Variants in MYO6 observed in about 807,000 individuals in gnomAD.
MYO6 encodes the protein unconventional myosin-VI.
MYO6 carries 74 observed loss-of-function variants against 178.7 expected under a neutral mutation model. That is an observed-to-expected ratio of 0.41 (90% CI 0.34 to 0.50). MYO6 has a LOEUF of 0.50. Ranked by LOEUF, MYO6 falls within the 20% of genes least tolerant of loss-of-function variation. The pLI, the probability that MYO6 is intolerant of heterozygous loss-of-function variation, is 0.09. For missense variants in MYO6, 1,330 were observed against 1,547.4 expected (o/e 0.86, Z 2.36); for synonymous variants, 477 against 504.6 (o/e 0.95, Z 0.73).
At chr6:75,786,800 T>C (rs776035604) in intron 1 of MYO6, among the ~76,000 whole-genome samples, 1 of 152,204 alleles carries the variant, frequency 6.6e-6, no homozygotes, top group Non-Finnish European at 1.5e-5. Flanking sequence ...TCTGAACTTT[T>C]TGACTGTAAG....
intron 1 of MYO6, among the ~76,000 whole-genome samples, chr6:75,801,674 C>A (rs1769468640): frequency 6.6e-6 from 1 of 152,182 alleles, no homozygotes; most frequent in African/African-American, 2.4e-5. Flanking sequence ...GGCACAGTGG[C>A]TCATGCCTGT....
At chr6:75,755,539 A>T (rs967055503) in intron 1 of MYO6, among the ~76,000 whole-genome samples, 3 of 152,206 alleles carry the variant, frequency 2.0e-5, no homozygotes, top group Admixed American at 2.0e-4. Flanking sequence ...TGAAATTGGT[A>T]ATTAGCTTTT....
intron 33 of MYO6, among the ~76,000 whole-genome samples, chr6:75,913,008 T>A (rs1223944194): frequency 6.6e-6 from 1 of 152,168 alleles, no homozygotes; most frequent in East Asian, 1.9e-4. Context: ...CTTTCAGTAT[T>A]TGCAAATTCT....
chr6:75,852,739 C>T (rs1045356787), intron 11 of MYO6, among the ~76,000 whole-genome samples: 1 of 152,100 alleles, frequency 6.6e-6, no homozygotes, highest in African/African-American at 2.4e-5. Context: ...ATTGTTTATC[C>T]ATTTGTCAGT....
chr6:75,911,660 A>G lies in MYO6; in HGVS notation c.3413-12A>G, dbSNP rs1428597208. ...TTTTATCTTTTCTTCAACATAAAAT[A>G]TTTGTTCACAGATTTTGCACCATTT... On this transcript the variant is annotated splice_polypyrimidine_tract_variant and intron_variant, in intron 32 of 34. Coordinates refer to ENST00000369977, the MANE Select transcript of MYO6 (RefSeq NM_004999.4). 6.2e-7 allele frequency: 1 copy of G among 1,609,070 alleles called. No individual in the cohort carries two copies. Among genetic ancestry groups the G allele is most frequent in the East Asian group, 2.2e-5 (1 of 44,726 alleles).
chr6:75,901,570 A>AT (rs1779779597), intron 30 of MYO6, among the ~76,000 whole-genome samples: 1 of 152,070 alleles, frequency 6.6e-6, no homozygotes, highest in South Asian at 2.1e-4. Context: ...TTGTACATTG[A>AT]TTTTGTATCC....
intron 13 of MYO6, among the ~76,000 whole-genome samples, chr6:75,857,645 G>A (rs1464304503): frequency 1.3e-5 from 2 of 152,184 alleles, no homozygotes; most frequent in Non-Finnish European, 2.9e-5. Flanking sequence ...AATTTGTAGA[G>A]CTGGGGATAG....
At chr6:75,833,001 C>T in intron 6 of MYO6, 54 bp downstream of exon 6, 3 of 1,261,800 alleles carry the variant, frequency 2.4e-6, no homozygotes, top group Non-Finnish European at 2.3e-6. Context: ...TTTTTTCCCC[C>T]CTTGAGATAG....
chr6:75,906,768 T>G (rs754103829), intron 30 of MYO6, among the ~76,000 whole-genome samples: 1 of 152,210 alleles, frequency 6.6e-6, no homozygotes, highest in Non-Finnish European at 1.5e-5. Flanking sequence ...AAGTTGAATT[T>G]ATTTCATTTT....
chr6:75,882,785 G>A (rs574141551), intron 23 of MYO6, among the ~76,000 whole-genome samples: 1 of 152,152 alleles, frequency 6.6e-6, no homozygotes, highest in East Asian at 1.9e-4. Context: ...AACAATAGTT[G>A]CATGGGTATA....
At chr6:75,884,342 A>G (rs1173161585) in intron 23 of MYO6, among the ~76,000 whole-genome samples, 1 of 152,172 alleles carries the variant, frequency 6.6e-6, no homozygotes, top group Non-Finnish European at 1.5e-5. Context: ...CTTTTCATAA[A>G]CTCATTTGAC....
At chr6:75,858,838 C>A in intron 13 of MYO6, 64 bp from the exon 14 acceptor site, 1 of 926,096 alleles carries the variant, frequency 1.1e-6, no homozygotes, top group Admixed American at 2.0e-5. Flanking sequence ...TACATTTTAT[C>A]CTATGATAAA....
chr6:75,847,718 A>G (rs1774866824), intron 10 of MYO6, among the ~76,000 whole-genome samples: 1 of 152,082 alleles, frequency 6.6e-6, no homozygotes, highest in Non-Finnish European at 1.5e-5. Flanking sequence ...AAAGAATTCT[A>G]AGGCATGAAA....
At chr6:75,813,270 C>T (rs1362964547) in intron 1 of MYO6, among the ~76,000 whole-genome samples, 2 of 152,122 alleles carry the variant, frequency 1.3e-5, no homozygotes, top group Non-Finnish European at 2.9e-5. Context: ...ACTCTTTTCT[C>T]CTCTTTCCTC....
At chr6:75,806,212 T>G (rs1486481048) in intron 1 of MYO6, among the ~76,000 whole-genome samples, 3 of 151,750 alleles carry the variant, frequency 2.0e-5, no homozygotes, top group Admixed American at 1.3e-4. Flanking sequence ...TGGCAAAACC[T>G]CTTCTCTACT....
In MYO6 at chr6:75,867,016, G is replaced by A. The variant is rs1247342325; in HGVS notation, c.1855G>A (p.Glu619Lys). The A allele has an allele frequency of 6.2e-7, 1 of 1,613,604 alleles. No individual in the cohort carries two copies. The highest frequency in any genetic ancestry group is 8.5e-7 in the Non-Finnish European group (1 of 1,179,616). Residue 619 changes from glutamate (E) to lysine (K), a missense_variant, in exon 18 of 35, where the codon GAA becomes AAA. Physicochemically the swap from Glu to Lys is moderately conservative, Grantham distance 56. Coordinates refer to ENST00000369977, the MANE Select transcript of MYO6 (RefSeq NM_004999.4). ...TGAATCCAGAGATAAGTTTATACGG[G>A]AATTATTTGAATCATCCACAAATAA... ...ICESRDKFIRELFESSTNNNK... is the reference protein window; with the variant it reads ...ICESRDKFIRKLFESSTNNNK...
intron 1 of MYO6, among the ~76,000 whole-genome samples, chr6:75,749,678 C>G (rs771488387): frequency 6.6e-6 from 1 of 152,224 alleles, no homozygotes; most frequent in Admixed American, 6.5e-5. Context: ...CTTTGTGTTT[C>G]TTCCCTGGCT....
chr6:75,836,230 G>T (rs536443816), intron 7 of MYO6, among the ~76,000 whole-genome samples: 3 of 152,348 alleles, frequency 2.0e-5, no homozygotes, highest in East Asian at 1.9e-4. Context: ...TTGAATGAAT[G>T]AAAGAATACA....
At chr6:75,845,912 A>G (rs950537024) in intron 10 of MYO6, among the ~76,000 whole-genome samples, 14 of 151,626 alleles carry the variant, frequency 9.2e-5, no homozygotes, top group Non-Finnish European at 2.1e-4. Context: ...GCTTGAACCC[A>G]GGAGATAGAG....
Sources: gnomAD v4.1 joint callset for allele counts (sites outside exome capture counted in the v4.1 genomes callset) on GRCh38, gnomAD v4.1.1 for gene constraint, MANE v1.5 for transcripts, NCBI Gene and HGNC (gene_info 2026-07-23, HGNC 2026-07-21) for gene names.